The following RRAS variants were observed in gnomAD, a reference collection of about 807,000 sequenced individuals.
RRAS encodes the protein RAS related, also known as ras-related protein R-Ras.
RRAS carries 18 observed loss-of-function variants against 23.3 expected under a neutral mutation model. That is an observed-to-expected ratio of 0.77 (90% confidence interval 0.53 to 1.15). RRAS has a LOEUF of 1.15. Ranked by LOEUF, RRAS falls within the 50% of genes most tolerant of loss-of-function variation. The probability of loss-of-function intolerance (pLI) is 0.00; values close to 1 mark genes in which losing one functional copy is unlikely to be tolerated. For missense variants in RRAS, 291 were observed against 317.1 expected (o/e 0.92, Z 0.62); for synonymous variants, 133 against 138.3 (o/e 0.96, Z 0.27).
Position 49,635,867 on chromosome 19 carries a change from G to GCCGGGGGGGTGGGGGGC in RRAS, c.454-16_454-15insGCCCCCCACCCCCCCGG. ...GATCGGGGGACCTGGGGGTAGGGGG[G>GCCGGGGGGGTGGGGGGC]ACACGGGGGAGTCAGGTCCCTGCAC... is the stretch of plus-strand genomic sequence containing the variant. On this transcript the variant is annotated splice_polypyrimidine_tract_variant and intron_variant, in intron 4 of 5. Coordinates refer to ENST00000246792, the MANE Select transcript of RRAS (RefSeq NM_006270.5). The GCCGGGGGGGTGGGGGGC allele has an allele frequency of 1.8e-6, 1 of 547,848 alleles. No homozygotes were observed. Among genetic ancestry groups the GCCGGGGGGGTGGGGGGC allele is most frequent in the Non-Finnish European group, 3.4e-6 (1 of 293,104 alleles). The allele number at this position is 547,848 out of a possible 1,614,324, so 33.9% of individuals were successfully genotyped here. A position where few individuals can be genotyped will look rare whatever the true frequency, so the allele number is the denominator to read the frequency against.
At position 49,640,073 on chromosome 19, in the gene RRAS, G is replaced by A; in HGVS notation, c.26C>T (p.Thr9Ile). Residue 9 changes from threonine to isoleucine, a missense_variant, in exon 1 of 6, where the codon ACA becomes ATA. Transcript: ENST00000246792. Reference sequence around the variant, plus strand: ...CCCGCCCCGGGGCCGCCCCCGCCCTGTCCCGGACGCCGCCCCGCTGCTCAT... The same window carrying A: ...CCCGCCCCGGGGCCGCCCCCGCCCTATCCCGGACGCCGCCCCGCTGCTCAT... MSSGAASG[T>I]GRGRPRGGGP... 1 of 1,417,096 alleles carries A rather than the reference G, an allele frequency of 7.1e-7. No homozygotes were observed. The allele number at this position is 1,417,096 out of a possible 1,614,324, so 87.8% of individuals were successfully genotyped here. A position where few individuals can be genotyped will look rare whatever the true frequency, so the allele number is the denominator to read the frequency against.
Position 49,636,582 on chromosome 19 carries a change from CTG to C in RRAS, c.453+35_453+36del. ...GGTGTGCTGGAAGGAGCCTCCCAGA[CTG>C]AGATGGGGTCCCCAGAAAGAGGGGT... On this transcript the variant is annotated intron_variant, in intron 4 of 5. Transcript: ENST00000246792. The surrounding 1 kb of genome is among the most constrained non-coding windows in gnomAD (Gnocchi z 4.5). The C allele has an allele frequency of 6.7e-7, 1 of 1,482,102 alleles. No individual in the cohort carries two copies. Among genetic ancestry groups the C allele is most frequent in the Non-Finnish European group, 9.4e-7 (1 of 1,059,810 alleles). 91.8% of individuals were successfully genotyped at this position (1,482,102 alleles called of 1,614,324 possible). A position where few individuals can be genotyped will look rare whatever the true frequency, so the allele number is the denominator to read the frequency against.
intron 1 of RRAS, among the ~76,000 whole-genome samples, chr19:49,638,101 C>G (rs958229708): frequency 6.6e-5 from 10 of 152,174 alleles, no homozygotes; most frequent in African/African-American, 1.9e-4. Flanking sequence ...GTCTCCTCCT[C>G]CCCCGTCTCC....
Position 49,636,940 on chromosome 19 carries a change from G to A in RRAS, c.242-14C>T. On this transcript the variant is annotated splice_polypyrimidine_tract_variant and intron_variant, in intron 2 of 5. Coordinates refer to ENST00000246792, the MANE Select transcript of RRAS (RefSeq NM_006270.5). This position sits in a 1 kb window ranked among gnomAD's most constrained non-coding sequence, Gnocchi z 4.5. ...CGGTGTCCAGGACTGCAGAGACAGG[G>A]AGAGGGGCCATCGTGGGGACCAGGC... 1.2e-6 allele frequency: 2 copies of A among 1,612,480 alleles called. No homozygotes were observed. The highest frequency in any genetic ancestry group is 8.5e-7 in the Non-Finnish European group (1 of 1,179,264).
chr19:49,636,787 A>G lies in RRAS; in HGVS notation c.344+37T>C. The G allele has an allele frequency of 6.2e-7, 1 of 1,608,004 alleles. No homozygotes were observed. Among genetic ancestry groups the G allele is most frequent in the Non-Finnish European group, 8.5e-7 (1 of 1,175,558 alleles). ...GCTGCAGAGCCCAGGTCCTCCCCAC[A>G]CCCACCCACTGCTCCGCCACCAGCA... is the stretch of plus-strand genomic sequence containing the variant. On this transcript the variant is annotated intron_variant, in intron 3 of 5. Transcript: ENST00000246792. This position sits in a 1 kb window ranked among gnomAD's most constrained non-coding sequence, Gnocchi z 4.5.
At chr19:49,639,842 G>T (rs2081014055) in intron 1 of RRAS, 104 bp downstream of exon 1, 2 of 929,744 alleles carry the variant, frequency 2.2e-6, no homozygotes, top group Non-Finnish European at 3.1e-6. Context: ...GGCCTTATAG[G>T]AGGGTCTCAG....
Position 49,636,129 on chromosome 19 carries a change from G to T in RRAS, c.454-277C>A, listed in dbSNP as rs1483660836. On this transcript the variant is annotated intron_variant, in intron 4 of 5. Coordinates refer to ENST00000246792, the MANE Select transcript of RRAS (RefSeq NM_006270.5). The surrounding 1 kb of genome is among the most constrained non-coding windows in gnomAD (Gnocchi z 4.5). ...GTCAGGGTGTTCCCGGCAGAGGCAG[G>T]CGGAACCCCAAAGCCTGGAAATCCC... 4.6e-5 allele frequency among the ~76,000 whole-genome samples: 7 copies of T among 152,164 alleles called. No individual in the cohort carries two copies. Among genetic ancestry groups the T allele is most frequent in the African/African-American group, 1.7e-4 (7 of 41,420 alleles).
rs538230538 is a variant in RRAS, at chr19:49,635,744, G to A, written c.562C>T (p.Arg188Trp). 48 of 1,584,804 alleles carry A rather than the reference G, an allele frequency of 3.0e-5. No individual in the cohort carries two copies. Among genetic ancestry groups the A allele is most frequent in the East Asian group, 6.8e-5 (3 of 43,878 alleles). Residue 188 changes from arginine (R) to tryptophan (W), a missense_variant, in exon 5 of 6, where the codon CGG (arginine) becomes TGG (tryptophan). Coordinates refer to ENST00000246792, the MANE Select transcript of RRAS (RefSeq NM_006270.5). ...GGGGACTTGGCTCACCGGACAGCCC[G>A]CACCAGCTGCTCAAAAGCCTCGTCC... ...NVDEAFEQLVRAVRKYQEQEL... is the reference protein window; with the variant it reads ...NVDEAFEQLVWAVRKYQEQEL...
Position 49,640,041 on chromosome 19 carries a change from C to A in RRAS, c.58G>T (p.Gly20Trp). The A allele has an allele frequency of 6.6e-7, 1 of 1,522,660 alleles. No homozygotes were observed. Among genetic ancestry groups the A allele is most frequent in the East Asian group, 2.6e-5 (1 of 38,320 alleles). The allele number at this position is 1,522,660 out of a possible 1,614,324, so 94.3% of individuals were successfully genotyped here. A position where few individuals can be genotyped will look rare whatever the true frequency, so the allele number is the denominator to read the frequency against. Residue 20 changes from glycine to tryptophan, a missense_variant, in exon 1 of 6, where the codon GGG becomes TGG. Transcript: ENST00000246792. ...TCGCTGGGCGGGGGGTCCCCGGGCCCAGGTCCCCCGCCCCGGGGCCGCCCC... is the reference window on the plus strand; with the variant it reads ...TCGCTGGGCGGGGGGTCCCCGGGCCAAGGTCCCCCGCCCCGGGGCCGCCCC... ...GRGRPRGGGP[G>W]PGDPPPSETH...
chr19:49,636,154 C>G lies in RRAS; in HGVS notation c.454-302G>C, dbSNP rs1034530739. 6.6e-6 allele frequency among the ~76,000 whole-genome samples: 1 copy of G among 152,124 alleles called. No individual in the cohort carries two copies. Among genetic ancestry groups the G allele is most frequent in the Non-Finnish European group, 1.5e-5 (1 of 68,022 alleles). On this transcript the variant is annotated intron_variant, in intron 4 of 5. Coordinates refer to ENST00000246792, the MANE Select transcript of RRAS (RefSeq NM_006270.5). The surrounding 1 kb of genome is among the most constrained non-coding windows in gnomAD (Gnocchi z 4.5). ...GCGGAACCCCAAAGCCTGGAAATCCCCAGAGCCTTTGCCAGATGGATGAGT... is the reference window on the plus strand; with the variant it reads ...GCGGAACCCCAAAGCCTGGAAATCCGCAGAGCCTTTGCCAGATGGATGAGT...
intron 1 of RRAS, 83 bp downstream of exon 1, chr19:49,639,863 A>G: frequency 1.6e-6 from 2 of 1,247,374 alleles, no homozygotes; most frequent in East Asian, 5.8e-5. Flanking sequence ...TGATGGGTCA[A>G]GGGGGAAAAG....
rs117957448 is a variant in RRAS at position 49,636,599 on chromosome 19, G to A, written c.453+20C>T. ...CTCCCAGACTGAGATGGGGTCCCCA[G>A]AAAGAGGGGTGTCCCGAACCTGGCG... On this transcript the variant is annotated intron_variant, in intron 4 of 5. Transcript: ENST00000246792. The surrounding 1 kb of genome is among the most constrained non-coding windows in gnomAD (Gnocchi z 4.5). 1,188 of 1,583,130 alleles carry A rather than the reference G, an allele frequency of 7.5e-4. 16 individuals carry two copies. In the East Asian group the frequency reaches 0.023, roughly 31 times the overall value.
intron 1 of RRAS, among the ~76,000 whole-genome samples, chr19:49,637,661 C>A (rs1448305248): frequency 6.6e-6 from 1 of 151,848 alleles, no homozygotes; most frequent in Non-Finnish European, 1.5e-5. Context: ...GTCTCTGCCC[C>A]CTTTTCTCTG....
Position 49,636,775 on chromosome 19 carries a change from G to C in RRAS, c.345-48C>G, listed in dbSNP as rs770899533. ...GAGGTCCAGCCAGCTGCAGAGCCCA[G>C]GTCCTCCCCACACCCACCCACTGCT... On this transcript the variant is annotated intron_variant, in intron 3 of 5. Transcript: ENST00000246792. The surrounding 1 kb of genome is among the most constrained non-coding windows in gnomAD (Gnocchi z 4.5). 6.2e-7 allele frequency: 1 copy of C among 1,608,518 alleles called. No homozygotes were observed. Among genetic ancestry groups the C allele is most frequent in the Non-Finnish European group, 8.5e-7 (1 of 1,175,786 alleles).
intron 1 of RRAS, among the ~76,000 whole-genome samples, chr19:49,639,678 A>C (rs575875320): frequency 2.0e-5 from 3 of 152,056 alleles, no homozygotes; most frequent in Non-Finnish European, 4.4e-5. Flanking sequence ...GGAGGTGCTC[A>C]AAGCCAGGTC....
chr19:49,637,082 T>A lies in RRAS; in HGVS notation c.202A>T (p.Lys68Ter). The A allele has an allele frequency of 6.2e-7, 1 of 1,613,644 alleles. No homozygotes were observed. Among genetic ancestry groups the A allele is most frequent in the Non-Finnish European group, 8.5e-7 (1 of 1,179,962 alleles). The change falls in exon 2 of 6, where the codon AAG becomes TAG. Residue 68 changes from lysine to a stop codon, truncating the protein, a stop_gained. Transcript: ENST00000246792. LOFTEE classifies it high-confidence loss of function. ...YDPTIEDSYT[K>*]ICSVDGIPAR... ...GGGATGCCATCCACACTGCAGATCT[T>A]CGTGTAGGAGTCCTCAATAGTGGGG...
In RRAS at chr19:49,636,915, C is replaced by T. The variant is rs774218911; in HGVS notation, c.253G>A (p.Ala85Thr). The change falls in exon 3 of 6, where the codon GCG (alanine) becomes ACG (threonine). Residue 85 changes from alanine (A) to threonine (T), a missense_variant. Ala to Thr is a moderately conservative substitution (Grantham distance 58). Transcript: ENST00000246792. This position sits in a 1 kb window ranked among gnomAD's most constrained non-coding sequence, Gnocchi z 4.5. ...ATGGCCCCGAACTCTTCCTGGCCCGCGGTGTCCAGGACTGCAGAGACAGGG... is the reference window on the plus strand; with the variant it reads ...ATGGCCCCGAACTCTTCCTGGCCCGTGGTGTCCAGGACTGCAGAGACAGGG... ...IPARLDILDT[A>T]GQEEFGAMRE... 3.7e-6 allele frequency: 6 copies of T among 1,613,256 alleles called. No homozygotes were observed. Among genetic ancestry groups the T allele is most frequent in the Admixed American group, 1.7e-5 (1 of 60,004 alleles).
Position 49,636,507 on chromosome 19 carries a change from A to C in RRAS, c.453+112T>G. Reference sequence around the variant, plus strand: ...AACCCATCTAGGTGAGCTGTGTGACAGTGGCAGTCGCAGCACTGCAGGAAC... The same window carrying C: ...AACCCATCTAGGTGAGCTGTGTGACCGTGGCAGTCGCAGCACTGCAGGAAC... On this transcript the variant is annotated intron_variant, in intron 4 of 5. Transcript: ENST00000246792. This position sits in a 1 kb window ranked among gnomAD's most constrained non-coding sequence, Gnocchi z 4.5. 6 of 808,496 alleles carry C rather than the reference A, an allele frequency of 7.4e-6. No individual in the cohort carries two copies. The highest frequency in any genetic ancestry group is 7.1e-5 in the South Asian group (5 of 70,754). The allele number at this position is 808,496 out of a possible 1,614,324, so 50.1% of individuals were successfully genotyped here.
rs774310467 is a variant in RRAS at position 49,636,999 on chromosome 19, C to T, written c.241+44G>A. On this transcript the variant is annotated intron_variant, in intron 2 of 5. Coordinates refer to ENST00000246792, the MANE Select transcript of RRAS (RefSeq NM_006270.5). The surrounding 1 kb of genome is among the most constrained non-coding windows in gnomAD (Gnocchi z 4.5). The stretch of plus-strand genomic sequence containing the variant: ...GTCACCCCCAAGAGCCCTCAGCCCC[C>T]ACTGACACCACCCCCATCCATCATC... 2.5e-6 allele frequency: 4 copies of T among 1,607,592 alleles called. No homozygotes were observed. The highest frequency in any genetic ancestry group is 1.7e-4 in the Middle Eastern group (1 of 6,052).
Sources: allele counts gnomAD v4.1 joint callset (sites outside exome capture counted in the v4.1 genomes callset), GRCh38; gene constraint gnomAD v4.1.1; non-coding constraint Gnocchi (gnomAD v3.1); transcripts MANE v1.5; gene names NCBI Gene and HGNC (gene_info 2026-07-23, HGNC 2026-07-21).